Variants in ACKR2 observed in about 807,000 individuals in gnomAD.
ACKR2 encodes C-C chemokine receptor D6.
For missense variants in ACKR2, 457 were observed against 477.3 expected, an observed-to-expected ratio of 0.96 and a Z score of 0.40; for synonymous variants, 207 against 192.2, an observed-to-expected ratio of 1.08 and a Z score of -0.64.
chr3:42,826,724 C>T (rs1416586195), intron 2 of ACKR2, among the ~76,000 whole-genome samples: 2 of 152,026 alleles, frequency 1.3e-5, no homozygotes, highest in East Asian at 3.9e-4. Context: ...TTCATATTCT[C>T]TCATTCATTT....
At chr3:42,811,833 TTGGG>T (rs991482021) in intron 1 of ACKR2, among the ~76,000 whole-genome samples, 1 of 152,028 alleles carries the variant, frequency 6.6e-6, no homozygotes, top group African/African-American at 2.4e-5. Context: ...ACTGAGATGT[TTGGG>T]TGGAGAGAAG....
intron 2 of ACKR2, among the ~76,000 whole-genome samples, chr3:42,836,562 G>A (rs1456184111): frequency 6.6e-6 from 1 of 152,214 alleles, no homozygotes; most frequent in Non-Finnish European, 1.5e-5. Flanking sequence ...GGGCCCTGTG[G>A]CGTTCTGTTG....
rs766888119 is a variant in ACKR2 at position 42,865,681 on chromosome 3, G to C, written c.*24G>C. The C allele has an allele frequency of 6.4e-7, 1 of 1,567,082 alleles. No homozygotes were observed. The highest frequency in any genetic ancestry group is 8.7e-7 in the Non-Finnish European group (1 of 1,152,730). The stretch of plus-strand genomic sequence containing the variant: ...GAGTGACCAAATTTTGGTCTGGTGG[G>C]AACAGATGGGAACCAGCTCAATTGG... On this transcript the variant is annotated 3_prime_UTR_variant, in exon 3 of 3. Transcript: ENST00000422265.
intron 2 of ACKR2, among the ~76,000 whole-genome samples, chr3:42,861,332 A>G (rs1319933041): frequency 1.3e-5 from 2 of 152,226 alleles, no homozygotes; most frequent in Non-Finnish European, 2.9e-5. Context: ...GAATCCCTGA[A>G]TAGATCATTC....
chr3:42,865,169 C>T lies in ACKR2; in HGVS notation c.667C>T (p.Leu223Phe), dbSNP rs146146689. Residue 223 changes from leucine to phenylalanine, a missense_variant, in exon 3 of 3, where the codon CTC becomes TTC. Physicochemically the swap from Leu to Phe is conservative, Grantham distance 22. Coordinates refer to ENST00000422265, the MANE Select transcript of ACKR2 (RefSeq NM_001296.5). ...QQNLLGFLLP[L>F]LAMIFFYSRI... Reference sequence around the variant, plus strand: ...GAACCTCCTAGGGTTTCTCCTTCCACTCCTTGCCATGATCTTCTTCTACTC... The same window carrying T: ...GAACCTCCTAGGGTTTCTCCTTCCATTCCTTGCCATGATCTTCTTCTACTC... The T allele has an allele frequency of 1.9e-6, 3 of 1,614,194 alleles. No homozygotes were observed. Among genetic ancestry groups the T allele is most frequent in the Non-Finnish European group, 2.5e-6 (3 of 1,180,038 alleles).
intron 2 of ACKR2, among the ~76,000 whole-genome samples, chr3:42,850,326 G>A (rs757379625): frequency 5.9e-5 from 9 of 152,156 alleles, no homozygotes; most frequent in Middle Eastern, 3.4e-3. Flanking sequence ...GGGACATTCC[G>A]TTCTCTGACG....
In ACKR2 at chr3:42,864,715, G is replaced by C; in HGVS notation, c.213G>C (p.Leu71Phe). Residue 71 changes from leucine (L) to phenylalanine (F), a missense_variant, in exon 3 of 3, where the codon TTG becomes TTC. Leu to Phe is a conservative substitution (Grantham distance 22). Coordinates refer to ENST00000422265, the MANE Select transcript of ACKR2 (RefSeq NM_001296.5). The stretch of plus-strand genomic sequence containing the variant: ...GGAACCTCCTTCTTCTCATGGTCTT[G>C]CTCCGTTACGTGCCTCGCAGGCGGA... ...LSGNLLLLMV[L>F]LRYVPRRRMV... 6.2e-7 allele frequency: 1 copy of C among 1,614,188 alleles called. No individual in the cohort carries two copies. Among genetic ancestry groups the C allele is most frequent in the Non-Finnish European group, 8.5e-7 (1 of 1,180,038 alleles).
At chr3:42,860,827 A>G (rs1260730989) in intron 2 of ACKR2, among the ~76,000 whole-genome samples, 1 of 152,252 alleles carries the variant, frequency 6.6e-6, no homozygotes, top group Non-Finnish European at 1.5e-5. Context: ...GAACAAAGAC[A>G]CAATGTACTA....
At chr3:42,854,534 T>C (rs1004364242) in intron 2 of ACKR2, among the ~76,000 whole-genome samples, 1 of 152,166 alleles carries the variant, frequency 6.6e-6, no homozygotes, top group Non-Finnish European at 1.5e-5. Flanking sequence ...GTGAGGGCCA[T>C]CCAATCCCCG....
rs530006683 is a variant in ACKR2 at position 42,847,151 on chromosome 3, G to A, written c.-37-17315G>A. ...ATTCTAACATGTAGTAAATATGTAA[G>A]TGAAGATATTTTGATAAATGAATAC... On this transcript the variant is annotated intron_variant, in intron 2 of 2. Coordinates refer to ENST00000422265, the MANE Select transcript of ACKR2 (RefSeq NM_001296.5). Among the ~76,000 whole-genome samples the A allele has an allele frequency of 1.8e-4, 27 of 152,318 alleles. No homozygotes were observed. In the South Asian group the frequency reaches 5.2e-3, roughly 29 times the overall value.
rs1254488589 is a variant in ACKR2, at chr3:42,864,463, C to G, written c.-37-3C>G. 3.9e-6 allele frequency: 6 copies of G among 1,545,820 alleles called. No individual in the cohort carries two copies. The highest frequency in any genetic ancestry group is 5.2e-6 in the Non-Finnish European group (6 of 1,148,592). On this transcript the variant is annotated splice_polypyrimidine_tract_variant and splice_region_variant and intron_variant, in intron 2 of 2. Coordinates refer to ENST00000422265, the MANE Select transcript of ACKR2 (RefSeq NM_001296.5). ...TAGGTCTCACCATATTTTCCCCCCG[C>G]AGCACTACAGGACGTCGGGACTGGG...
At chr3:42,835,889 CCTT>C (rs1238860174) in intron 2 of ACKR2, 1 of 152,284 alleles carries the variant, frequency 6.6e-6, no homozygotes, top group African/African-American at 2.4e-5. Context: ...CCTCCTTCCT[CCTT>C]CTGCCCACCC....
chr3:42,826,012 T>C (rs1413354271), intron 2 of ACKR2, among the ~76,000 whole-genome samples: 1 of 152,080 alleles, frequency 6.6e-6, no homozygotes, highest in Non-Finnish European at 1.5e-5. Context: ...TTTTGTCCTT[T>C]ATTCTTTTCA....
intron 2 of ACKR2, among the ~76,000 whole-genome samples, chr3:42,846,666 CTG>C (rs1394339469): frequency 6.6e-6 from 1 of 152,206 alleles, no homozygotes; most frequent in African/African-American, 2.4e-5. Flanking sequence ...GACAGGGAAA[CTG>C]AGTCCCAGAA....
At chr3:42,848,213 A>AT (rs36054454) in intron 2 of ACKR2, among the ~76,000 whole-genome samples, 20,991 of 75,774 alleles carry the variant, frequency 0.28, 3,174 homozygotes, top group East Asian at 0.56. Context: ...AAAAAAAAAA[A>AT]TTTTTTTTTT....
At chr3:42,860,164 C>G (rs199622130) in intron 2 of ACKR2, among the ~76,000 whole-genome samples, 3 of 8,048 alleles carry the variant, frequency 3.7e-4, no homozygotes, top group Admixed American at 5.7e-3. Flanking sequence ...AAATGGAAAG[C>G]AAAAAAAAAA....
At chr3:42,826,873 T>C (rs1700870989) in intron 2 of ACKR2, among the ~76,000 whole-genome samples, 1 of 152,218 alleles carries the variant, frequency 6.6e-6, no homozygotes, top group African/African-American at 2.4e-5. Flanking sequence ...CATTTCTCTC[T>C]AAGCATTGCT....
chr3:42,848,213 ATTTTTTTTT>A (rs36054454), intron 2 of ACKR2, among the ~76,000 whole-genome samples: 14 of 74,922 alleles, frequency 1.9e-4, no homozygotes, highest in Admixed American at 1.2e-3. Context: ...AAAAAAAAAA[ATTTTTTTTT>A]TTTTTTTTTT....
At chr3:42,843,706 A>C (rs1701063864) in intron 2 of ACKR2, among the ~76,000 whole-genome samples, 1 of 152,170 alleles carries the variant, frequency 6.6e-6, no homozygotes, top group Admixed American at 6.5e-5. Flanking sequence ...ATTTAGCCAA[A>C]GTGTTCCTGA....
Sources: gnomAD v4.1 joint callset for allele counts (sites outside exome capture counted in the v4.1 genomes callset) on GRCh38, gnomAD v4.1.1 for gene constraint, MANE v1.5 for transcripts, NCBI Gene and HGNC (gene_info 2026-07-23, HGNC 2026-07-21) for gene names.